The following PTPRM variants were observed in gnomAD, a reference collection of about 807,000 sequenced individuals.
The protein encoded by PTPRM is receptor-type tyrosine-protein phosphatase mu.
PTPRM carries 47 observed loss-of-function variants against 186.7 expected under a neutral mutation model. The observed-to-expected ratio is 0.25, with a 90% CI of 0.20 to 0.32. PTPRM has a LOEUF of 0.32. Ranked by LOEUF, PTPRM falls within the 10% of genes least tolerant of loss-of-function variation. PTPRM has a pLI of 1.00. For synonymous variants in PTPRM, 668 were observed against 674.9 expected (o/e 0.99, Z 0.16); for missense variants, 1,494 against 1,865.0 (o/e 0.80, Z 3.66).
chr18:8,223,724 A>G (rs1327331766), intron 14 of PTPRM, among the ~76,000 whole-genome samples: 2 of 152,226 alleles, frequency 1.3e-5, no homozygotes, highest in Non-Finnish European at 2.9e-5. Flanking sequence ...TCAAGATAAC[A>G]CTTCACACAG....
intron 1 of PTPRM, among the ~76,000 whole-genome samples, chr18:7,723,048 G>A (rs919605039): frequency 5.3e-5 from 8 of 152,200 alleles, no homozygotes; most frequent in South Asian, 2.1e-4. Context: ...GTGAACTAGC[G>A]TTTGAAGACC....
intron 3 of PTPRM, among the ~76,000 whole-genome samples, chr18:7,894,534 C>T (rs1248088196): frequency 2.6e-5 from 4 of 151,694 alleles, no homozygotes; most frequent in Non-Finnish European, 4.4e-5. Context: ...TGCAGTGAGC[C>T]GAGATTGCGC....
chr18:7,590,053 A>G (rs1474102558), intron 1 of PTPRM, among the ~76,000 whole-genome samples: 1 of 152,182 alleles, frequency 6.6e-6, no homozygotes, highest in Non-Finnish European at 1.5e-5. Flanking sequence ...GGATCTGGAA[A>G]CAATGGTTAA....
rs75413342 is a variant in PTPRM at position 7,872,805 on chromosome 18, T to C, written c.197-15301T>C. Among the ~76,000 whole-genome samples the C allele has an allele frequency of 7.7e-3, 1,180 of 152,334 alleles. 14 individuals carry two copies. Among genetic ancestry groups the C allele is most frequent in the African/African-American group, 0.027 (1,116 of 41,570 alleles). On this transcript the variant is annotated intron_variant, in intron 2 of 32. Coordinates refer to ENST00000580170, the MANE Select transcript of PTPRM (RefSeq NM_001105244.2). ...ATTTTGGCACTTAATAGATAATGTT[T>C]GTCTTCTCTTGGGTTGTGTAAGCTC...
intron 23 of PTPRM, among the ~76,000 whole-genome samples, chr18:8,344,384 A>C (rs8089836): frequency 5.9e-3 from 423 of 71,108 alleles, no homozygotes; most frequent in African/African-American, 0.016. Flanking sequence ...AGTAAGTAGG[A>C]TATATATATA....
intron 32 of PTPRM, among the ~76,000 whole-genome samples, chr18:8,395,567 A>G (rs1248328464): frequency 6.6e-6 from 1 of 152,128 alleles, no homozygotes. Context: ...CAGGGCATCC[A>G]CTTTGCCCAG....
intron 7 of PTPRM, among the ~76,000 whole-genome samples, chr18:8,034,400 G>A (rs1048064552): frequency 6.6e-6 from 1 of 152,104 alleles, no homozygotes; most frequent in Non-Finnish European, 1.5e-5. Context: ...AATCAGATAT[G>A]TCTGAGCCTC....
At chr18:7,995,311 G>A (rs1411178991) in intron 7 of PTPRM, among the ~76,000 whole-genome samples, 1 of 152,022 alleles carries the variant, frequency 6.6e-6, no homozygotes, top group Non-Finnish European at 1.5e-5. Flanking sequence ...AAAAGCCCAG[G>A]ATCAGATGGC....
At chr18:8,214,226 C>T (rs1200183467) in intron 14 of PTPRM, among the ~76,000 whole-genome samples, 2 of 152,096 alleles carry the variant, frequency 1.3e-5, no homozygotes, top group African/African-American at 4.8e-5. Context: ...AACCAAAAAC[C>T]ACTTGTTCCC....
chr18:8,126,025 A>AT lies in PTPRM; in HGVS notation c.2167+11199dup, dbSNP rs1215694977. Reference sequence around the variant, plus strand: ...TATATATATATATATATATATATATATATTTTAAATCAGTAGACCTTTCCA... The same window carrying AT: ...TATATATATATATATATATATATATATTATTTTAAATCAGTAGACCTTTCCA... On this transcript the variant is annotated intron_variant, in intron 13 of 32. Coordinates refer to ENST00000580170, the MANE Select transcript of PTPRM (RefSeq NM_001105244.2). Among the ~76,000 whole-genome samples, 136 of 57,232 alleles carry AT rather than the reference A, an allele frequency of 2.4e-3. 7 individuals carry two copies. The highest frequency in any genetic ancestry group is 0.026 in the Middle Eastern group (2 of 76). The allele number at this position is 57,232 out of a possible 152,430, so 37.5% of individuals were successfully genotyped here. A position where few individuals can be genotyped will look rare whatever the true frequency, so the allele number is the denominator to read the frequency against.
At chr18:8,227,427 G>A (rs987740258) in intron 14 of PTPRM, among the ~76,000 whole-genome samples, 1 of 152,008 alleles carries the variant, frequency 6.6e-6, no homozygotes, top group African/African-American at 2.4e-5. Context: ...GAATAGAAAG[G>A]TTTTTTAAAA....
intron 2 of PTPRM, among the ~76,000 whole-genome samples, chr18:7,878,863 A>G (rs1418798476): frequency 6.6e-6 from 1 of 152,204 alleles, no homozygotes; most frequent in Non-Finnish European, 1.5e-5. Flanking sequence ...ACCCGTTTCT[A>G]AAGATGTCAA....
chr18:7,609,234 T>C (rs2037612071), intron 1 of PTPRM, among the ~76,000 whole-genome samples: 1 of 152,206 alleles, frequency 6.6e-6, no homozygotes. Context: ...TCTCACATCA[T>C]AGTGAAGTTT....
intron 2 of PTPRM, among the ~76,000 whole-genome samples, chr18:7,865,800 A>G (rs2047659025): frequency 6.6e-6 from 1 of 152,110 alleles, no homozygotes; most frequent in Non-Finnish European, 1.5e-5. Flanking sequence ...TCGGCTGTGA[A>G]TCCGTCTGGT....
chr18:7,936,675 TC>T (rs767990097), intron 5 of PTPRM, among the ~76,000 whole-genome samples: 101 of 152,080 alleles, frequency 6.6e-4, no homozygotes, highest in East Asian at 5.8e-4. Flanking sequence ...CCCGGTGAAG[TC>T]CCACCTTCAA....
intron 7 of PTPRM, among the ~76,000 whole-genome samples, chr18:7,990,182 G>T (rs926164305): frequency 2.0e-5 from 3 of 152,300 alleles, no homozygotes; most frequent in African/African-American, 7.2e-5. Flanking sequence ...GGGATTACAG[G>T]CATGAGCCAC....
intron 24 of PTPRM, 52 bp downstream of exon 24, chr18:8,371,058 T>A: frequency 3.6e-6 from 4 of 1,104,596 alleles, no homozygotes; most frequent in Non-Finnish European, 5.3e-6. Flanking sequence ...AGTGGTACCA[T>A]ACTAGCCTCA....
At chr18:7,773,109 C>A (rs1598628754) in intron 1 of PTPRM, among the ~76,000 whole-genome samples, 2 of 151,730 alleles carry the variant, frequency 1.3e-5, no homozygotes, top group South Asian at 2.1e-4. Flanking sequence ...TTCTATTATT[C>A]TTTGTTTTTT....
intron 14 of PTPRM, among the ~76,000 whole-genome samples, chr18:8,195,885 A>G (rs1343863370): frequency 1.3e-5 from 2 of 152,226 alleles, no homozygotes; most frequent in Non-Finnish European, 2.9e-5. Flanking sequence ...ATTAAATGTT[A>G]TACAAATAAA....
Sources: allele counts gnomAD v4.1 joint callset (sites outside exome capture counted in the v4.1 genomes callset), GRCh38; gene constraint gnomAD v4.1.1; transcripts MANE v1.5; gene names NCBI Gene and HGNC (gene_info 2026-07-23, HGNC 2026-07-21).